The following CARS2 variants were observed in gnomAD, a reference collection of about 807,000 sequenced individuals.
CARS2 encodes cysteinyl-tRNA synthetase 2, mitochondrial.
In CARS2, 52 loss-of-function variants were observed where a neutral mutation model predicts 68.8. The ratio of observed to expected loss-of-function variants is 0.76; its 90% CI spans 0.61 to 0.95. The LOEUF (loss-of-function observed/expected upper bound fraction) is 0.95. CARS2 is among the 40% of genes least tolerant of loss of function. CARS2 has a pLI of 0.00. For missense variants in CARS2, 780 were observed against 754.2 expected, an observed-to-expected ratio of 1.03 and a Z score of -0.40; for synonymous variants, 314 against 303.6, an observed-to-expected ratio of 1.03 and a Z score of -0.36.
intron 3 of CARS2, among the ~76,000 whole-genome samples, chr13:110,699,649 G>C (rs1404615184): frequency 6.6e-6 from 1 of 152,256 alleles, no homozygotes; most frequent in African/African-American, 2.4e-5. Flanking sequence ...AAAATGTCCA[G>C]AGAGAATGGT....
At chr13:110,663,656 C>T in intron 8 of CARS2, 138 bp from the exon 9 acceptor site, 4 of 1,419,924 alleles carry the variant, frequency 2.8e-6, no homozygotes, top group Non-Finnish European at 2.7e-6. Flanking sequence ...TATAAATCTG[C>T]CCCCAAATCT....
rs893420198 is a variant in CARS2, at chr13:110,705,802, C to T, written c.224+68G>A. 5.3e-5 allele frequency: 81 copies of T among 1,525,360 alleles called. No individual in the cohort carries two copies. The highest frequency in any genetic ancestry group is 6.8e-5 in the Non-Finnish European group (77 of 1,138,476). 94.5% of individuals were successfully genotyped at this position (1,525,360 alleles called of 1,614,324 possible). ...CTAAACGCCCTCCCCGAGCCCAGAT[C>T]CCGTTCAGCCGTGGGAAGTCTCCGC... On this transcript the variant is annotated intron_variant, in intron 1 of 14. Transcript: ENST00000257347. The surrounding 1 kb of genome is among the most constrained non-coding windows in gnomAD (Gnocchi z 4.0).
intron 9 of CARS2, among the ~76,000 whole-genome samples, chr13:110,658,417 CAA>C (rs1166371221): frequency 2.0e-5 from 3 of 151,958 alleles, no homozygotes; most frequent in Non-Finnish European, 4.4e-5. Context: ...TTTGGTTTTA[CAA>C]GATGAAAAAA....
In CARS2 at chr13:110,668,096, A is replaced by C. The variant is rs1039834957; in HGVS notation, c.786-623T>G. ...CCGGTGGATTTTCTTAAAATGATAG[A>C]TAGAGAAATTTCTAAGGTGCCAACA... On this transcript the variant is annotated intron_variant, in intron 7 of 14. Coordinates refer to ENST00000257347, the MANE Select transcript of CARS2 (RefSeq NM_024537.4). The surrounding 1 kb of genome is among the most constrained non-coding windows in gnomAD (Gnocchi z 4.1). 3.9e-5 allele frequency among the ~76,000 whole-genome samples: 6 copies of C among 152,184 alleles called. No individual in the cohort carries two copies. Among genetic ancestry groups the C allele is most frequent in the African/African-American group, 1.4e-4 (6 of 41,454 alleles).
exon 1 of CARS2, chr13:110,713,403 G>A (rs1028393971): frequency 4.2e-5 from 43 of 1,022,034 alleles, no homozygotes; most frequent in Non-Finnish European, 4.9e-5. Flanking sequence ...GTGCTGTGCC[G>A]CCCAACAGGC....
chr13:110,651,232 A>T, intron 9 of CARS2, 132 bp from the exon 10 acceptor site: 2 of 599,936 alleles, frequency 3.3e-6, no homozygotes, highest in South Asian at 4.4e-5. Flanking sequence ...GATGAAAATG[A>T]GCCCTCCAAA....
intron 8 of CARS2, chr13:110,666,457 T>C (rs2062651040): frequency 1.0e-6 from 1 of 985,206 alleles, no homozygotes; most frequent in Non-Finnish European, 1.2e-6. Context: ...TAGTAGGTAA[T>C]GGTAGGGGCA....
rs895947592 is a variant in CARS2 at position 110,679,199 on chromosome 13, G to A, written c.656-2096C>T. Among the ~76,000 whole-genome samples, 10 of 152,248 alleles carry A rather than the reference G, an allele frequency of 6.6e-5. No homozygotes were observed. The South Asian group carries it at 8.3e-4, about 13-fold the overall frequency. On this transcript the variant is annotated intron_variant, in intron 6 of 14. Coordinates refer to ENST00000257347, the MANE Select transcript of CARS2 (RefSeq NM_024537.4). ...GATGGCAACAATGAGTATCCATGGT[G>A]CCCATGCTGTGTTCTCAAAACACCA...
chr13:110,647,123 T>TG lies in CARS2; in HGVS notation c.1170dup (p.Arg391GlnfsTer23). ...TACCTCTCCCACAGCATCGCTTCCC[T>TG]GACGGAGCCGCAGGCCAGCTGCCCC... On this transcript the variant is annotated frameshift_variant, in exon 11 of 15. Transcript: ENST00000257347. LOFTEE classifies it high-confidence loss of function. The TG allele has an allele frequency of 6.2e-7, 1 of 1,600,302 alleles. No homozygotes were observed. Among genetic ancestry groups the TG allele is most frequent in the Middle Eastern group, 1.7e-4 (1 of 5,988 alleles).
At chr13:110,683,209 C>T (rs962309608) in intron 5 of CARS2, 75 bp from the exon 6 acceptor site, 1 of 951,932 alleles carries the variant, frequency 1.1e-6, no homozygotes, top group African/African-American at 1.7e-5. Context: ...TAACATCTAA[C>T]AAGTAATTAG....
chr13:110,646,978 A>T, intron 11 of CARS2, 123 bp downstream of exon 11: 3 of 1,224,514 alleles, frequency 2.4e-6, no homozygotes, highest in Non-Finnish European at 3.3e-6. Flanking sequence ...GCAGTCCCTG[A>T]CCCCAAACCT....
At position 110,706,032 on chromosome 13, in the gene CARS2, A is replaced by T. The variant is rs2063945013; in HGVS notation, c.62T>A (p.Leu21His). The T allele has an allele frequency of 7.1e-7, 1 of 1,404,424 alleles. No homozygotes were observed. The highest frequency in any genetic ancestry group is 9.2e-7 in the Non-Finnish European group (1 of 1,082,472). 87.0% of individuals were successfully genotyped at this position (1,404,424 alleles called of 1,614,324 possible). The change falls in exon 1 of 15, where the codon CTT becomes CAT. Residue 21 changes from leucine to histidine, a missense_variant. Leu to His is a moderately conservative substitution (Grantham distance 99, BLOSUM62 -3). Transcript: ENST00000257347. ...GPPLLQAALGLGRAGWHWPAG... is the reference protein window; with the variant it reads ...GPPLLQAALGHGRAGWHWPAG... ...AGGCCAGTGCCACCCAGCCCGCCCA[A>T]GGCCCAGCGCGGCCTGGAGCAGCGG...
intron 6 of CARS2, among the ~76,000 whole-genome samples, 182 bp from the exon 7 acceptor site, chr13:110,677,285 C>G (rs11069862): frequency 9.2e-5 from 2 of 21,840 alleles, no homozygotes; most frequent in Non-Finnish European, 2.7e-4. Context: ...ACCCCCACCA[C>G]GGAAACACAG....
Position 110,667,350 on chromosome 13 carries a change from A to C in CARS2, c.909T>G (p.Phe303Leu). ...FHQCEQWGNY[F>L]LHSGHLHAKG... ...GAAGTTATTACTTACCAGAATGCAG[A>C]AAATAATTTCCCCACTGCTCGCACT... Residue 303 changes from phenylalanine (F) to leucine (L), a missense_variant, in exon 8 of 15, where the codon TTT (phenylalanine) becomes TTG (leucine). By Grantham distance (22) the Phe-to-Leu change is conservative. Coordinates refer to ENST00000257347, the MANE Select transcript of CARS2 (RefSeq NM_024537.4). 1 of 1,611,996 alleles carries C rather than the reference A, an allele frequency of 6.2e-7. No individual in the cohort carries two copies. Among genetic ancestry groups the C allele is most frequent in the South Asian group, 1.1e-5 (1 of 90,300 alleles).
intron 14 of CARS2, 140 bp downstream of exon 14, chr13:110,642,175 C>T: frequency 1.4e-6 from 1 of 696,820 alleles, no homozygotes; most frequent in Non-Finnish European, 2.4e-6. Flanking sequence ...CCATTGCACT[C>T]CAGCCTGGGT....
At chr13:110,646,843 G>T in intron 11 of CARS2, 2 of 433,706 alleles carry the variant, frequency 4.6e-6, no homozygotes, top group Non-Finnish European at 4.2e-6. Context: ...AGTGTCCTGT[G>T]GCCTCTGGGG....
At chr13:110,656,651 G>T (rs1049646629) in intron 9 of CARS2, among the ~76,000 whole-genome samples, 5 of 152,126 alleles carry the variant, frequency 3.3e-5, no homozygotes, top group Non-Finnish European at 7.4e-5. Context: ...TTGGGAGGCC[G>T]AGGCAGGTGG....
At chr13:110,712,530 A>AGGGGGG (rs144160325) in intron 1 of CARS2, 80 of 246,626 alleles carry the variant, frequency 3.2e-4, no homozygotes, top group East Asian at 1.2e-3. Context: ...TTTGGCCGGA[A>AGGGGGG]GGGGGGGGGC....
chr13:110,664,480 G>A, intron 8 of CARS2: 17 of 502,744 alleles, frequency 3.4e-5, no homozygotes, highest in Non-Finnish European at 4.4e-5. Flanking sequence ...TCATGTCACT[G>A]CACTCCAGCC....
Sources: gnomAD v4.1 joint callset for allele counts (sites outside exome capture counted in the v4.1 genomes callset) on GRCh38, gnomAD v4.1.1 for gene constraint, Gnocchi (gnomAD v3.1) non-coding constraint, MANE v1.5 for transcripts, NCBI Gene and HGNC (gene_info 2026-07-23, HGNC 2026-07-21) for gene names.